The following ADSS2 variants were observed in gnomAD, a reference collection of about 807,000 sequenced individuals.
ADSS2 encodes the protein adenylosuccinate synthase 2.
A neutral mutation model predicts 60.0 loss-of-function variants in ADSS2; 30 were observed. That is an observed-to-expected ratio of 0.50 (90% CI 0.37 to 0.68). The LOEUF is 0.68. Ranked by LOEUF, ADSS2 falls within the 30% of genes least tolerant of loss-of-function variation. The pLI, the probability that ADSS2 is intolerant of heterozygous loss-of-function variation, is 0.00. For missense variants in ADSS2, 373 were observed against 554.8 expected, an observed-to-expected ratio of 0.67 and a Z score of 3.29; for synonymous variants, 187 against 193.1, an observed-to-expected ratio of 0.97 and a Z score of 0.26.
chr1:244,418,763 G>A lies in ADSS2; in HGVS notation c.942C>T (p.Asp314=). The A allele has an allele frequency of 1.9e-6, 3 of 1,604,584 alleles. No individual in the cohort carries two copies. Among genetic ancestry groups the A allele is most frequent in the Non-Finnish European group, 2.5e-6 (3 of 1,177,272 alleles). ...VGIGAFPTEQ[D]NEIGELLQTR... ...TATTTACTTAGAATAGGCTTACATTGTCTTGCTCTGTAGGAAAGGCACCAA... is the reference window on the plus strand; with the variant it reads ...TATTTACTTAGAATAGGCTTACATTATCTTGCTCTGTAGGAAAGGCACCAA... The change falls in exon 9 of 13, where the codon GAC becomes GAT. Residue 314 remains aspartate, a synonymous_variant. Coordinates refer to ENST00000366535, the MANE Select transcript of ADSS2 (RefSeq NM_001126.5).
In ADSS2 at chr1:244,451,885, C is replaced by T. The variant is rs1438399666; in HGVS notation, c.-68G>A. ...CGAGGAGTGAGCGAACTGAACTGCT[C>T]TGCGGCCGCCAGCCACATGCAGAGG... On this transcript the variant is annotated 5_prime_UTR_variant, in exon 1 of 13. Transcript: ENST00000366535. The surrounding 1 kb of genome is among the most constrained non-coding windows in gnomAD (Gnocchi z 6.6). 2 of 1,406,032 alleles carry T rather than the reference C, an allele frequency of 1.4e-6. No homozygotes were observed. Among genetic ancestry groups the T allele is most frequent in the African/African-American group, 3.0e-5 (2 of 67,744 alleles). 87.1% of individuals were successfully genotyped at this position (1,406,032 alleles called of 1,614,324 possible).
chr1:244,416,424 C>A (rs1384524687), intron 10 of ADSS2, among the ~76,000 whole-genome samples: 1 of 152,152 alleles, frequency 6.6e-6, no homozygotes, highest in East Asian at 1.9e-4. Flanking sequence ...CTCAAGCAAT[C>A]CTTGCACCTC....
chr1:244,447,091 CT>C (rs1298111105), intron 1 of ADSS2, among the ~76,000 whole-genome samples: 3 of 152,146 alleles, frequency 2.0e-5, no homozygotes, highest in Non-Finnish European at 4.4e-5. Flanking sequence ...ATTTATTGTT[CT>C]TTTCATTGCT....
intron 4 of ADSS2, among the ~76,000 whole-genome samples, chr1:244,430,357 C>G (rs1221412737): frequency 1.3e-5 from 2 of 152,182 alleles, no homozygotes; most frequent in East Asian, 3.9e-4. Context: ...AGAATCCAGA[C>G]AGGAACAGGG....
chr1:244,437,368 GA>G (rs1020638538), intron 2 of ADSS2, among the ~76,000 whole-genome samples: 5 of 151,684 alleles, frequency 3.3e-5, no homozygotes, highest in African/African-American at 1.2e-4. Flanking sequence ...AGTATTTGTG[GA>G]AAAAAAAGTA....
upstream of ADSS2, chr1:244,452,060 G>C (rs1441520777): frequency 1.1e-5 from 4 of 357,440 alleles, no homozygotes; most frequent in Middle Eastern, 7.4e-4. Context: ...CGCAGGAAGA[G>C]GCCCTGGTGG....
chr1:244,435,344 A>AT (rs1194966033), intron 3 of ADSS2, among the ~76,000 whole-genome samples: 5 of 151,746 alleles, frequency 3.3e-5, no homozygotes, highest in Non-Finnish European at 1.5e-5. Flanking sequence ...CAGATTTCAG[A>AT]TTTTTTTTGG....
intron 3 of ADSS2, among the ~76,000 whole-genome samples, chr1:244,436,217 C>T (rs532749141): frequency 1.2e-4 from 18 of 152,234 alleles, no homozygotes; most frequent in African/African-American, 2.2e-4. Context: ...TTTTGTATTA[C>T]GGATGTTTAA....
At chr1:244,424,222 A>G in intron 5 of ADSS2, 99 bp downstream of exon 5, 1 of 1,289,836 alleles carries the variant, frequency 7.8e-7, no homozygotes, top group Non-Finnish European at 1.1e-6. Context: ...AAAACAGGAT[A>G]TTCTAATACT....
chr1:244,414,424 G>A (rs1176377635), intron 11 of ADSS2, among the ~76,000 whole-genome samples: 2 of 152,230 alleles, frequency 1.3e-5, no homozygotes, highest in African/African-American at 2.4e-5. Flanking sequence ...AAATTCACCA[G>A]TGGGTTTAAA....
chr1:244,446,232 A>T, intron 1 of ADSS2, among the ~76,000 whole-genome samples: 1 of 152,218 alleles, frequency 6.6e-6, no homozygotes, highest in East Asian at 1.9e-4. Context: ...ACATGTTACC[A>T]TTCACCAAAA....
Position 244,408,570 on chromosome 1 carries a change from T to G in ADSS2, c.*1016A>C. ...AATTTAAGTGGCACCTAATTTAACA[T>G]TTAAAATAGTTCATTAAAAGATAAT... On this transcript the variant is annotated 3_prime_UTR_variant, in exon 13 of 13. Transcript: ENST00000366535. The G allele has an allele frequency of 6.5e-6, 1 of 152,744 alleles. No homozygotes were observed. The highest frequency in any genetic ancestry group is 1.9e-4 in the East Asian group (1 of 5,188). The allele number at this position is 152,744 out of a possible 1,614,324, so 9.5% of individuals were successfully genotyped here. A position where few individuals can be genotyped will look rare whatever the true frequency, so the allele number is the denominator to read the frequency against.
intron 4 of ADSS2, among the ~76,000 whole-genome samples, chr1:244,431,637 A>G (rs570719055): frequency 2.0e-5 from 3 of 152,236 alleles, no homozygotes; most frequent in Admixed American, 6.5e-5. Flanking sequence ...ACTGTTTTTC[A>G]GTAAAAACAA....
intron 1 of ADSS2, among the ~76,000 whole-genome samples, chr1:244,447,696 T>C (rs1373082024): frequency 2.0e-5 from 3 of 152,134 alleles, no homozygotes. Flanking sequence ...TGTAAAAAAT[T>C]CCAGCTGAAA....
At chr1:244,450,668 T>C (rs774026386) in intron 1 of ADSS2, among the ~76,000 whole-genome samples, 56 of 152,218 alleles carry the variant, frequency 3.7e-4, no homozygotes, top group Non-Finnish European at 7.3e-4. Flanking sequence ...TTATTGCTCA[T>C]CTGCTTAGAA....
intron 11 of ADSS2, among the ~76,000 whole-genome samples, chr1:244,413,350 T>C (rs1449714367): frequency 6.6e-6 from 1 of 152,226 alleles, no homozygotes; most frequent in Non-Finnish European, 1.5e-5. Context: ...CTTCCATTTC[T>C]AGTCATCATA....
At chr1:244,449,204 C>T (rs1016653383) in intron 1 of ADSS2, among the ~76,000 whole-genome samples, 4 of 152,278 alleles carry the variant, frequency 2.6e-5, no homozygotes, top group Non-Finnish European at 4.4e-5. Flanking sequence ...GCATTTTATA[C>T]ATTAAAATTT....
chr1:244,450,194 G>A (rs752599826), intron 1 of ADSS2, among the ~76,000 whole-genome samples: 1 of 152,218 alleles, frequency 6.6e-6, no homozygotes, highest in Non-Finnish European at 1.5e-5. Context: ...CAAAAGGTAG[G>A]TAAAGGCTGG....
At position 244,451,809 on chromosome 1, in the gene ADSS2, G is replaced by T; in HGVS notation, c.9C>A (p.Phe3Leu). 1 of 1,587,894 alleles carries T rather than the reference G, an allele frequency of 6.3e-7. No individual in the cohort carries two copies. The highest frequency in any genetic ancestry group is 8.6e-7 in the Non-Finnish European group (1 of 1,169,218). The change falls in exon 1 of 13, where the codon TTC (phenylalanine) becomes TTA (leucine). Residue 3 changes from phenylalanine (F) to leucine (L), a missense_variant. Physicochemically the swap from Phe to Leu is conservative, Grantham distance 22. Around this residue, in one of 5 missense-constraint regions of ADSS2, gnomAD observed 47 missense variants for 48.3 expected, o/e 0.97. Coordinates refer to ENST00000366535, the MANE Select transcript of ADSS2 (RefSeq NM_001126.5). This position sits in a 1 kb window ranked among gnomAD's most constrained non-coding sequence, Gnocchi z 6.6. ...AGGATGCCGCCGGGTAGGTCTCGGC[G>T]AACGCCATGGCTCCAGTGACGCGAG... MA[F>L]AETYPAASSL...
Sources: allele counts gnomAD v4.1 joint callset (sites outside exome capture counted in the v4.1 genomes callset), GRCh38; gene constraint gnomAD v4.1.1; regional missense constraint gnomAD v4.1.1; non-coding constraint Gnocchi (gnomAD v3.1); transcripts MANE v1.5; gene names NCBI Gene and HGNC (gene_info 2026-07-23, HGNC 2026-07-21).